Variants in POLA2 observed in about 807,000 individuals in gnomAD.
POLA2 encodes DNA polymerase alpha 2, accessory subunit, also known as DNA polymerase alpha subunit B.
POLA2 carries 47 observed loss-of-function variants against 82.8 expected under a neutral mutation model. The observed-to-expected ratio is 0.57, with a 90% CI of 0.45 to 0.72. POLA2 has a LOEUF of 0.72. Among genes scored for constraint, POLA2 ranks in the 30% least tolerant of loss-of-function variants. The pLI, the probability that POLA2 is intolerant of heterozygous loss-of-function variation, is 0.00. For synonymous variants in POLA2, 287 were observed against 286.8 expected, an observed-to-expected ratio of 1.00 and a Z score of -0.01; for missense variants, 634 against 728.1, an observed-to-expected ratio of 0.87 and a Z score of 1.49.
At chr11:65,266,756 C>G (rs371434044) in intron 2 of POLA2, 50 bp downstream of exon 2, 23 of 1,598,440 alleles carry the variant, frequency 1.4e-5, no homozygotes, top group Non-Finnish European at 1.8e-5. Flanking sequence ...CATTTCTGCT[C>G]TACAGGGGAG....
downstream of POLA2, among the ~76,000 whole-genome samples, chr11:65,302,682 G>A (rs1239191840): frequency 6.6e-6 from 1 of 152,014 alleles, no homozygotes; most frequent in African/African-American, 2.4e-5. Context: ...AGGAGTAGGA[G>A]GGCTCAGAGA....
At chr11:65,303,417 G>A (rs941399938), downstream of POLA2, among the ~76,000 whole-genome samples, 1 of 152,036 alleles carries the variant, frequency 6.6e-6, no homozygotes, top group African/African-American at 2.4e-5. Context: ...AGCAATTTGG[G>A]AGGCTGAGGC....
intron 1 of POLA2, among the ~76,000 whole-genome samples, chr11:65,264,515 C>T (rs1264896842): frequency 6.6e-6 from 1 of 152,198 alleles, no homozygotes; most frequent in Admixed American, 6.6e-5. Flanking sequence ...TACTCTGAGT[C>T]TTCCAGATGA....
intron 13 of POLA2, among the ~76,000 whole-genome samples, chr11:65,291,532 G>T (rs73484981): frequency 1.3e-5 from 2 of 152,176 alleles, no homozygotes; most frequent in Admixed American, 6.5e-5. Flanking sequence ...TGTGATCCTG[G>T]TCAAGTTCAT....
Position 65,297,425 on chromosome 11 carries a change from ACTTGT to A in POLA2, c.*157_*161del. 1 of 807,328 alleles carries A rather than the reference ACTTGT, an allele frequency of 1.2e-6. No homozygotes were observed. The highest frequency in any genetic ancestry group is 3.1e-5 in the East Asian group (1 of 32,118). 50.0% of individuals were successfully genotyped at this position (807,328 alleles called of 1,614,324 possible). On this transcript the variant is annotated 3_prime_UTR_variant, in exon 18 of 18. Transcript: ENST00000265465. ...GCAGTGACCAGGCCCAGCAGGGAGG[ACTTGT>A]GCAGCCGGGCCTGCCTCTGAGTGGT...
At chr11:65,304,719 GA>G (rs1272322813) in intron 8 of POLA2, among the ~76,000 whole-genome samples, 2 of 152,198 alleles carry the variant, frequency 1.3e-5, no homozygotes, top group Non-Finnish European at 2.9e-5. Flanking sequence ...AGGGCTCATG[GA>G]GGAGCATGTG....
At position 65,297,511 on chromosome 11, in the gene POLA2, A is replaced by C. The variant is rs911197728; in HGVS notation, c.*242A>C. 2.6e-6 allele frequency: 1 copy of C among 377,538 alleles called. No individual in the cohort carries two copies. Among genetic ancestry groups the C allele is most frequent in the African/African-American group, 2.1e-5 (1 of 47,960 alleles). The allele number at this position is 377,538 out of a possible 1,614,324, so 23.4% of individuals were successfully genotyped here. ...AGTCCATGCTCCGTGTCCAGAAGTAAGCCAGCTGTGGATCCCGCCCACTCA... is the reference window on the plus strand; with the variant it reads ...AGTCCATGCTCCGTGTCCAGAAGTACGCCAGCTGTGGATCCCGCCCACTCA... On this transcript the variant is annotated 3_prime_UTR_variant, in exon 18 of 18. Transcript: ENST00000265465.
chr11:65,266,853 G>T, intron 2 of POLA2, 147 bp downstream of exon 2: 1 of 713,600 alleles, frequency 1.4e-6, no homozygotes, highest in Non-Finnish European at 2.3e-6. Flanking sequence ...CTATGTCCCT[G>T]AGCCTCAGTT....
At chr11:65,300,773 G>C (rs1410380425), downstream of POLA2, among the ~76,000 whole-genome samples, 1 of 152,106 alleles carries the variant, frequency 6.6e-6, no homozygotes, top group Non-Finnish European at 1.5e-5. Context: ...GTAGAGACAG[G>C]GTTTCACCAT....
downstream of POLA2, among the ~76,000 whole-genome samples, chr11:65,300,731 C>T (rs182337457): frequency 1.1e-4 from 17 of 152,164 alleles, no homozygotes; most frequent in African/African-American, 2.9e-4. Flanking sequence ...TACAGGCACC[C>T]GCCACCGTGC....
At chr11:65,290,412 T>G (rs34286323) in intron 13 of POLA2, among the ~76,000 whole-genome samples, 4,785 of 152,176 alleles carry the variant, frequency 0.031, 230 homozygotes, top group African/African-American at 0.11. Context: ...GGCACATGCC[T>G]GTAATCCCAA....
chr11:65,280,971 G>T, intron 7 of POLA2, 21 bp from the exon 8 acceptor site: 1 of 1,612,126 alleles, frequency 6.2e-7, no homozygotes, highest in Non-Finnish European at 8.5e-7. Context: ...TCATTCTTAT[G>T]CTGTGACCTT....
At position 65,266,585 on chromosome 11, in the gene POLA2, T is replaced by C; in HGVS notation, c.83T>C (p.Val28Ala). 1 of 1,614,142 alleles carries C rather than the reference T, an allele frequency of 6.2e-7. No homozygotes were observed. The highest frequency in any genetic ancestry group is 1.1e-5 in the South Asian group (1 of 91,088). ...DCEEALIEKL[V>A]ELCVQYGQNE... ...TGTCCAATTTTCCTTTCTACAGTGG[T>C]AGAGCTTTGTGTTCAGTATGGACAG... The change falls in exon 2 of 18, where the codon GTA (valine) becomes GCA (alanine). Residue 28 changes from valine to alanine, a missense_variant. Coordinates refer to ENST00000265465, the MANE Select transcript of POLA2 (RefSeq NM_002689.4).
downstream of POLA2, among the ~76,000 whole-genome samples, chr11:65,301,452 C>A (rs1343245517): frequency 2.6e-5 from 4 of 151,054 alleles, no homozygotes; most frequent in Admixed American, 2.0e-4. Context: ...AGGGGAGGGG[C>A]CTGGGTCTGT....
At chr11:65,283,009 G>A (rs1237315634) in intron 10 of POLA2, among the ~76,000 whole-genome samples, 1 of 152,126 alleles carries the variant, frequency 6.6e-6, no homozygotes, top group Non-Finnish European at 1.5e-5. Context: ...GTGCATGCCT[G>A]TAGTCCTAGC....
Position 65,262,276 on chromosome 11 carries a change from C to T in POLA2, c.-17C>T. The T allele has an allele frequency of 1.2e-6, 2 of 1,609,094 alleles. No individual in the cohort carries two copies. The highest frequency in any genetic ancestry group is 1.7e-6 in the Non-Finnish European group (2 of 1,177,568). ...GAGCTGGGTGGGCCGGCTCCCCGGC[C>T]CCTGGCTTGGGCGACCATGTCCGCA... On this transcript the variant is annotated 5_prime_UTR_variant, in exon 1 of 18. Transcript: ENST00000265465.
chr11:65,284,628 C>T (rs1251068848), intron 10 of POLA2, among the ~76,000 whole-genome samples: 9 of 151,526 alleles, frequency 5.9e-5, no homozygotes, highest in Non-Finnish European at 4.4e-5. Context: ...CGGGTTCAAG[C>T]GATTCTCCTG....
chr11:65,280,189 G>C (rs762126722), intron 7 of POLA2, among the ~76,000 whole-genome samples: 6 of 152,234 alleles, frequency 3.9e-5, no homozygotes, highest in Non-Finnish European at 7.3e-5. Context: ...AGAATGATCA[G>C]TTGGGGAAGT....
At position 65,280,995 on chromosome 11, in the gene POLA2, C is replaced by G. The variant is rs553663668; in HGVS notation, c.748C>G (p.Pro250Ala). ...TGCTGTGACCTTCCTTTGGTAGGAG[C>G]CTGTCACTCTGCTGGGCCAGATTGG... ...FTPLLAPAQE[P>A]VTLLGQIGCD... The change falls in exon 8 of 18, where the codon CCT (proline) becomes GCT (alanine). Residue 250 changes from proline to alanine, a missense_variant. By Grantham distance (27) the Pro-to-Ala change is conservative. Coordinates refer to ENST00000265465, the MANE Select transcript of POLA2 (RefSeq NM_002689.4). 1.7e-4 allele frequency: 268 copies of G among 1,613,486 alleles called. No individual in the cohort carries two copies. In the South Asian group the frequency reaches 2.6e-3, roughly 16 times the overall value.
Sources: gnomAD v4.1 joint callset for allele counts (sites outside exome capture counted in the v4.1 genomes callset) on GRCh38, gnomAD v4.1.1 for gene constraint, MANE v1.5 for transcripts, NCBI Gene and HGNC (gene_info 2026-07-23, HGNC 2026-07-21) for gene names.